NKAIN2: variants seen among roughly 807,000 people sequenced by gnomAD.
NKAIN2 encodes the protein sodium/potassium transporting ATPase interacting 2, also known as sodium/potassium-transporting ATPase subunit beta-1-interacting protein 2.
NKAIN2 carries 14 observed loss-of-function variants against 32.6 expected under a neutral mutation model. The ratio of observed to expected loss-of-function variants is 0.43; its 90% CI spans 0.28 to 0.67. NKAIN2 has a LOEUF of 0.67. NKAIN2 is among the 30% of genes least tolerant of loss of function. The pLI, the probability that NKAIN2 is intolerant of heterozygous loss-of-function variation, is 0.17. For missense variants in NKAIN2, 198 were observed against 258.3 expected, an observed-to-expected ratio of 0.77 and a Z score of 1.60; for synonymous variants, 80 against 87.2, an observed-to-expected ratio of 0.92 and a Z score of 0.46.
At chr6:124,687,680 CTA>C (rs1201552006) in intron 4 of NKAIN2, among the ~76,000 whole-genome samples, 1 of 2,228 alleles carries the variant, frequency 4.5e-4, no homozygotes, top group Non-Finnish European at 1.4e-3. Flanking sequence ...TATATTTGGG[CTA>C]TATATATGAA....
intron 1 of NKAIN2, among the ~76,000 whole-genome samples, chr6:123,916,427 AT>A (rs955273916): frequency 1.3e-5 from 2 of 151,516 alleles, no homozygotes; most frequent in East Asian, 1.9e-4. Context: ...TACCTGGCTA[AT>A]TTTTTTTGTA....
intron 1 of NKAIN2, among the ~76,000 whole-genome samples, chr6:124,268,599 A>G (rs976609749): frequency 2.6e-5 from 4 of 152,070 alleles, no homozygotes; most frequent in African/African-American, 9.7e-5. Context: ...ACACATACCA[A>G]TGAATGCACT....
At chr6:124,257,543 C>G (rs1794007639) in intron 1 of NKAIN2, among the ~76,000 whole-genome samples, 1 of 152,026 alleles carries the variant, frequency 6.6e-6, no homozygotes, top group Non-Finnish European at 1.5e-5. Flanking sequence ...CTCAATTTTT[C>G]TGAACAATTT....
At chr6:124,415,175 A>C (rs1053235720) in intron 3 of NKAIN2, among the ~76,000 whole-genome samples, 3 of 152,154 alleles carry the variant, frequency 2.0e-5, no homozygotes, top group Non-Finnish European at 4.4e-5. Flanking sequence ...CCACAGATTT[A>C]GGTCTCAGTC....
Position 124,695,757 on chromosome 6 carries a change from A to C in NKAIN2, c.474+37371A>C, listed in dbSNP as rs115794046. On this transcript the variant is annotated intron_variant, in intron 4 of 6. Coordinates refer to ENST00000368417, the MANE Select transcript of NKAIN2 (RefSeq NM_001040214.3). ...GCTAAAGTAGGAGGGTTCAAAGAAC[A>C]CATAGGTTCATATAGGAAGGAGGGC... Among the ~76,000 whole-genome samples, 1,073 of 152,324 alleles carry C rather than the reference A, an allele frequency of 7.0e-3. 18 individuals carry two copies. The highest frequency in any genetic ancestry group is 0.025 in the African/African-American group (1,031 of 41,578).
intron 1 of NKAIN2, among the ~76,000 whole-genome samples, chr6:124,039,788 C>T (rs1057102447): frequency 6.6e-6 from 1 of 151,836 alleles, no homozygotes; most frequent in African/African-American, 2.4e-5. Flanking sequence ...AAGATAATTT[C>T]ATCTTTTTCT....
intron 1 of NKAIN2, among the ~76,000 whole-genome samples, chr6:124,193,041 G>A (rs568281180): frequency 2.2e-4 from 34 of 152,212 alleles, no homozygotes; most frequent in Admixed American, 1.7e-3. Context: ...GAGCTACCGC[G>A]CCCAGCCAGT....
At chr6:124,035,346 C>A (rs955272520) in intron 1 of NKAIN2, among the ~76,000 whole-genome samples, 1 of 152,026 alleles carries the variant, frequency 6.6e-6, no homozygotes, top group African/African-American at 2.4e-5. Context: ...CAAATTTATC[C>A]AGAAGAATAC....
At chr6:124,113,362 G>A (rs774260743) in intron 1 of NKAIN2, among the ~76,000 whole-genome samples, 3 of 152,168 alleles carry the variant, frequency 2.0e-5, no homozygotes, top group Non-Finnish European at 4.4e-5. Flanking sequence ...GCAGAAGCTA[G>A]TTGTTTAGGA....
At chr6:124,437,995 T>C in intron 3 of NKAIN2, 1 of 403,470 alleles carries the variant, frequency 2.5e-6, no homozygotes, top group South Asian at 1.8e-5. Flanking sequence ...TACAGAGGCA[T>C]GTGGATATAG....
intron 1 of NKAIN2, among the ~76,000 whole-genome samples, chr6:123,907,782 T>G (rs186324985): frequency 5.9e-5 from 9 of 152,296 alleles, no homozygotes; most frequent in Admixed American, 5.9e-4. Context: ...TGGGCAAGAC[T>G]TTCCCCCCTT....
intron 2 of NKAIN2, among the ~76,000 whole-genome samples, chr6:124,341,436 A>G (rs915839123): frequency 2.0e-5 from 3 of 152,210 alleles, no homozygotes; most frequent in African/African-American, 4.8e-5. Flanking sequence ...AAAATGATAC[A>G]GATGATTACA....
At chr6:123,968,303 T>C (rs1014406168) in intron 1 of NKAIN2, among the ~76,000 whole-genome samples, 2 of 152,150 alleles carry the variant, frequency 1.3e-5, no homozygotes, top group African/African-American at 2.4e-5. Flanking sequence ...ATTAATCACA[T>C]GTCCAAAATA....
chr6:124,041,004 C>T (rs1378057651), intron 1 of NKAIN2, among the ~76,000 whole-genome samples: 1 of 151,940 alleles, frequency 6.6e-6, no homozygotes, highest in Non-Finnish European at 1.5e-5. Context: ...GACTCATTCC[C>T]AGTTTGCTAT....
At chr6:124,380,863 A>T (rs1772603934) in intron 3 of NKAIN2, among the ~76,000 whole-genome samples, 1 of 152,190 alleles carries the variant, frequency 6.6e-6, no homozygotes, top group Non-Finnish European at 1.5e-5. Context: ...ACACCAATGG[A>T]TTTCAGTTTA....
chr6:123,815,993 A>T (rs1437625744), intron 1 of NKAIN2, among the ~76,000 whole-genome samples: 2 of 152,138 alleles, frequency 1.3e-5, no homozygotes, highest in Non-Finnish European at 2.9e-5. Context: ...ATACAAAGGA[A>T]ATTTATGGGA....
intron 1 of NKAIN2, among the ~76,000 whole-genome samples, chr6:124,053,151 C>A (rs971084895): frequency 1.3e-5 from 2 of 151,908 alleles, no homozygotes; most frequent in Non-Finnish European, 2.9e-5. Context: ...CATAGGCAAA[C>A]TTGCATCATG....
chr6:124,663,251 C>T (rs544503273), intron 4 of NKAIN2, among the ~76,000 whole-genome samples: 4 of 151,628 alleles, frequency 2.6e-5, no homozygotes, highest in African/African-American at 7.3e-5. Flanking sequence ...ATGGTGAAAC[C>T]CATCTCTACT....
chr6:124,342,390 C>T (rs1332787596), intron 2 of NKAIN2, among the ~76,000 whole-genome samples: 3 of 139,288 alleles, frequency 2.2e-5, no homozygotes, highest in African/African-American at 8.7e-5. Flanking sequence ...GTCTGGGTGA[C>T]AGAGTGAGAC....
Sources: allele counts gnomAD v4.1 joint callset (sites outside exome capture counted in the v4.1 genomes callset), GRCh38; gene constraint gnomAD v4.1.1; transcripts MANE v1.5; gene names NCBI Gene and HGNC (gene_info 2026-07-23, HGNC 2026-07-21).